Variants in ANKMY2 observed in about 807,000 individuals in gnomAD.
The protein encoded by ANKMY2 is ankyrin repeat and MYND domain containing 2, also known as ankyrin repeat and MYND domain-containing protein 2.
A neutral mutation model predicts 50.4 loss-of-function variants in ANKMY2; 36 were observed. The ratio of observed to expected loss-of-function variants is 0.71; its 90% CI spans 0.55 to 0.94. ANKMY2 has a LOEUF of 0.94. ANKMY2 is among the 40% of genes least tolerant of loss of function. ANKMY2 has a pLI of 0.00. For missense variants in ANKMY2, 565 were observed against 524.0 expected (o/e 1.08, Z -0.76); for synonymous variants, 187 against 178.8 (o/e 1.05, Z -0.36).
At chr7:16,610,151 A>G (rs956086790) in intron 6 of ANKMY2, among the ~76,000 whole-genome samples, 2 of 152,234 alleles carry the variant, frequency 1.3e-5, no homozygotes, top group African/African-American at 2.4e-5. Context: ...TCAGAGAAGC[A>G]GCATAACACA....
At chr7:16,619,211 T>G (rs990063653) in intron 4 of ANKMY2, among the ~76,000 whole-genome samples, 4 of 151,662 alleles carry the variant, frequency 2.6e-5, no homozygotes, top group African/African-American at 9.7e-5. Context: ...TAGAGTGCAA[T>G]GGCGCGATCT....
intron 1 of ANKMY2, among the ~76,000 whole-genome samples, chr7:16,640,031 T>G (rs73312714): frequency 0.02 from 3,053 of 151,266 alleles, 114 homozygotes; most frequent in African/African-American, 0.07. Context: ...CCAGGTGTAG[T>G]GGTGCGTGCT....
rs745727571 is a variant in ANKMY2 at position 16,645,542 on chromosome 7, T to C, written c.32A>G (p.Gln11Arg). The change falls in exon 1 of 10, where the codon CAG (glutamine) becomes CGG (arginine). Residue 11 changes from glutamine to arginine, a missense_variant. By Grantham distance (43) the Gln-to-Arg change is conservative. Transcript: ENST00000306999. MVHIKKGELTQEEKELLEVIG... is the reference protein window; with the variant it reads MVHIKKGELTREEKELLEVIG... ...GACTTCCAGTAGCTCCTTCTCCTCC[T>C]GGGTCAGCTCGCCTTTCTTTATGTG... 1 of 1,612,182 alleles carries C rather than the reference T, an allele frequency of 6.2e-7. No homozygotes were observed. The highest frequency in any genetic ancestry group is 1.1e-5 in the South Asian group (1 of 90,816).
intron 2 of ANKMY2, among the ~76,000 whole-genome samples, chr7:16,635,434 G>A (rs748306106): frequency 2.0e-4 from 31 of 152,096 alleles, no homozygotes; most frequent in Non-Finnish European, 3.7e-4. Context: ...TGATTATAGT[G>A]ATGGTTTTAC....
intron 1 of ANKMY2, among the ~76,000 whole-genome samples, chr7:16,643,524 C>T (rs1169525338): frequency 6.7e-6 from 1 of 149,428 alleles, no homozygotes. Flanking sequence ...GCGATGAAAG[C>T]ATCAGTGCAC....
At position 16,600,866 on chromosome 7, in the gene ANKMY2, G is replaced by T. The variant is rs541797; in HGVS notation, c.1221C>A (p.Ser407=). 8.1e-6 allele frequency: 13 copies of T among 1,613,042 alleles called. No homozygotes were observed. The South Asian group carries it at 1.4e-4, about 18-fold the overall frequency. ...EAEVGISQKD[S]NPEDSGEGKK... Reference sequence around the variant, plus strand: ...TTCCTTCCCCGGAATCTTCAGGATTGGAATCCTTTTGAGAGATACCTACTT... The same window carrying T: ...TTCCTTCCCCGGAATCTTCAGGATTTGAATCCTTTTGAGAGATACCTACTT... The change falls in exon 10 of 10, where the codon TCC becomes TCA. Residue 407 remains serine, a synonymous_variant. Coordinates refer to ENST00000306999, the MANE Select transcript of ANKMY2 (RefSeq NM_020319.3).
Position 16,615,084 on chromosome 7 carries a change from A to C in ANKMY2, c.531+660T>G, listed in dbSNP as rs140593805. Among the ~76,000 whole-genome samples, 748 of 152,334 alleles carry C rather than the reference A, an allele frequency of 4.9e-3. 9 individuals carry two copies. Among genetic ancestry groups the C allele is most frequent in the African/African-American group, 0.014 (565 of 41,578 alleles). On this transcript the variant is annotated intron_variant, in intron 5 of 9. Coordinates refer to ENST00000306999, the MANE Select transcript of ANKMY2 (RefSeq NM_020319.3). Reference sequence around the variant, plus strand: ...TTTCCCAGTTAAGCCATTTGAACTTATGTGTTGGCCTATGAAATTTGAAAA... The same window carrying C: ...TTTCCCAGTTAAGCCATTTGAACTTCTGTGTTGGCCTATGAAATTTGAAAA...
intron 6 of ANKMY2, among the ~76,000 whole-genome samples, chr7:16,610,024 G>C (rs1441556154): frequency 6.6e-6 from 1 of 152,166 alleles, no homozygotes; most frequent in Non-Finnish European, 1.5e-5. Flanking sequence ...AGATTAGCTA[G>C]TTACTTATTA....
At chr7:16,630,869 A>T (rs1029725398) in intron 2 of ANKMY2, among the ~76,000 whole-genome samples, 1 of 152,242 alleles carries the variant, frequency 6.6e-6, no homozygotes, top group African/African-American at 2.4e-5. Flanking sequence ...AGGAATGCAG[A>T]TAACTACAGG....
intron 5 of ANKMY2, among the ~76,000 whole-genome samples, chr7:16,613,920 C>CAAAAAAAAA (rs143274762): frequency 8.9e-6 from 1 of 111,910 alleles, no homozygotes; most frequent in Non-Finnish European, 1.9e-5. Flanking sequence ...GACCCTATCT[C>CAAAAAAAAA]AAAAAAAAAA....
chr7:16,645,481 G>C (rs1011791670), intron 1 of ANKMY2, 26 bp downstream of exon 1: 27 of 1,589,974 alleles, frequency 1.7e-5, no homozygotes, highest in Non-Finnish European at 2.2e-5. Context: ...GCTGGCCGCG[G>C]CCGCGTCGCA....
At chr7:16,636,785 T>C (rs538264450) in intron 1 of ANKMY2, among the ~76,000 whole-genome samples, 1 of 152,324 alleles carries the variant, frequency 6.6e-6, no homozygotes, top group East Asian at 1.9e-4. Context: ...TTAAAGGGTA[T>C]CTAATCCAAA....
chr7:16,621,818 A>C (rs1781439596), intron 4 of ANKMY2, among the ~76,000 whole-genome samples: 1 of 151,970 alleles, frequency 6.6e-6, no homozygotes, highest in Admixed American at 6.5e-5. Flanking sequence ...AAAATACAAC[A>C]ATTAGCTGGG....
Position 16,609,675 on chromosome 7 carries a change from A to G in ANKMY2, c.837T>C (p.Ala279=). 1 of 1,612,948 alleles carries G rather than the reference A, an allele frequency of 6.2e-7. No homozygotes were observed. The highest frequency in any genetic ancestry group is 8.5e-7 in the Non-Finnish European group (1 of 1,179,682). ...ESIRKFPYCE[A]TLLQQLVRSI... The stretch of plus-strand genomic sequence containing the variant: ...TTCGAACCAGCTGCTGGAGGAGTGT[A>G]GCTTCACAGTAAGGAAATTTTCTGA... The change falls in exon 7 of 10, where the codon GCT becomes GCC. Residue 279 remains alanine (A), a synonymous_variant. Coordinates refer to ENST00000306999, the MANE Select transcript of ANKMY2 (RefSeq NM_020319.3).
In ANKMY2 at chr7:16,645,688, T is replaced by C. The variant is rs1781831083; in HGVS notation, c.-115A>G. ...GGCAACTTGAGACCAAGACACTGAG[T>C]AGCCAACCGCGGAAACGCTTCGCTT... On this transcript the variant is annotated 5_prime_UTR_variant, in exon 1 of 10. Transcript: ENST00000306999. The C allele has an allele frequency of 1.2e-5, 14 of 1,138,906 alleles. No individual in the cohort carries two copies. The South Asian group carries it at 2.3e-4, about 19-fold the overall frequency. The allele number at this position is 1,138,906 out of a possible 1,614,324, so 70.6% of individuals were successfully genotyped here.
At chr7:16,618,910 G>T (rs1161278964) in intron 4 of ANKMY2, among the ~76,000 whole-genome samples, 3 of 152,052 alleles carry the variant, frequency 2.0e-5, no homozygotes, top group Admixed American at 2.0e-4. Context: ...AAAAAGATAG[G>T]TGTTTCCACA....
At chr7:16,645,472 C>A in intron 1 of ANKMY2, 35 bp downstream of exon 1, 1 of 1,583,502 alleles carries the variant, frequency 6.3e-7, no homozygotes, top group South Asian at 1.2e-5. Context: ...CCCGGCCAGG[C>A]TGGCCGCGGC....
rs1267766913 is a variant in ANKMY2 at position 16,645,631 on chromosome 7, T to C, written c.-58A>G. Reference sequence around the variant, plus strand: ...TTAGGGAGTATTAAAAAAGAAACGATGCGTCTGTATTGGGAACGCCAGCCG... The same window carrying C: ...TTAGGGAGTATTAAAAAAGAAACGACGCGTCTGTATTGGGAACGCCAGCCG... On this transcript the variant is annotated 5_prime_UTR_variant, in exon 1 of 10. Coordinates refer to ENST00000306999, the MANE Select transcript of ANKMY2 (RefSeq NM_020319.3). 6.3e-7 allele frequency: 1 copy of C among 1,575,978 alleles called. No homozygotes were observed. Among genetic ancestry groups the C allele is most frequent in the African/African-American group, 1.4e-5 (1 of 72,788 alleles).
chr7:16,609,885 C>G, intron 6 of ANKMY2, 120 bp from the exon 7 acceptor site: 1 of 1,227,730 alleles, frequency 8.1e-7, no homozygotes, highest in Middle Eastern at 2.7e-4. Flanking sequence ...CTCTTCAAAT[C>G]ATGATGACGG....
Sources: gnomAD v4.1 joint callset for allele counts (sites outside exome capture counted in the v4.1 genomes callset) on GRCh38, gnomAD v4.1.1 for gene constraint, MANE v1.5 for transcripts, NCBI Gene and HGNC (gene_info 2026-07-23, HGNC 2026-07-21) for gene names.